The following C16orf96 variants were observed in gnomAD, a reference collection of about 807,000 sequenced individuals.
The protein encoded by C16orf96 is uncharacterized protein C16orf96.
In C16orf96, 108 loss-of-function variants were observed where a neutral mutation model predicts 103.6. The observed-to-expected ratio is 1.04, with a 90% confidence interval of 0.89 to 1.22. The LOEUF is 1.22. Ranked by LOEUF, C16orf96 falls within the 50% of genes most tolerant of loss-of-function variation. The probability of loss-of-function intolerance (pLI) is 0.00; values close to 1 mark genes in which losing one functional copy is unlikely to be tolerated. For synonymous variants in C16orf96, 566 were observed against 593.5 expected, an observed-to-expected ratio of 0.95 and a Z score of 0.67; for missense variants, 1,586 against 1,464.2, an observed-to-expected ratio of 1.08 and a Z score of -1.36.
chr16:4,566,169 A>G (rs2059383744), intron 1 of C16orf96, among the ~76,000 whole-genome samples: 1 of 152,134 alleles, frequency 6.6e-6, no homozygotes, highest in African/African-American at 2.4e-5. Flanking sequence ...TTTTATATGG[A>G]CCTATGTTTT....
chr16:4,541,607 C>T, the C16orf96 span, among the ~76,000 whole-genome samples: 1 of 152,250 alleles, frequency 6.6e-6, no homozygotes, highest in East Asian at 1.9e-4. Context: ...CTACAAGTCT[C>T]CTTTTTGGTC....
chr16:4,549,471 T>TA, the C16orf96 span, among the ~76,000 whole-genome samples: 21,093 of 96,392 alleles, frequency 0.22, 2,059 homozygotes, highest in Middle Eastern at 0.36. Context: ...AGACTCTGTC[T>TA]AAAAAAAAAA....
chr16:4,563,977 C>G (rs1037724542), intron 1 of C16orf96, among the ~76,000 whole-genome samples: 17 of 151,312 alleles, frequency 1.1e-4, no homozygotes, highest in African/African-American at 3.1e-4. Context: ...GTGGGCGGAT[C>G]ACCTGAGCTC....
At chr16:4,560,867 A>T (rs1056769679) in intron 1 of C16orf96, 1 of 152,046 alleles carries the variant, frequency 6.6e-6, no homozygotes, top group African/African-American at 2.4e-5. Context: ...ATAAAAAGAT[A>T]TTCCAGCGGG....
At chr16:4,558,510 G>C (rs2059291964) in intron 1 of C16orf96, among the ~76,000 whole-genome samples, 1 of 152,140 alleles carries the variant, frequency 6.6e-6, no homozygotes, top group South Asian at 2.1e-4. Flanking sequence ...ACCTCAGGAG[G>C]CTGAGGTGGG....
chr16:4,575,663 C>G lies in C16orf96; in HGVS notation c.1183C>G (p.Leu395Val). The change falls in exon 5 of 16, where the codon CTT becomes GTT. Residue 395 changes from leucine (L) to valine (V), a missense_variant. By Grantham distance (32) the Leu-to-Val change is conservative. Transcript: ENST00000444310. ...DWPALPRRWP[L>V]PQGWPRVGSW... is the part of the protein sequence containing the mutation. The stretch of plus-strand genomic sequence containing the variant: ...GCCTGCACTCCCAAGACGCTGGCCT[C>G]TTCCCCAAGGCTGGCCCAGGGTGGG... 7 of 1,535,916 alleles carry G rather than the reference C, an allele frequency of 4.6e-6. No homozygotes were observed. The highest frequency in any genetic ancestry group is 6.1e-6 in the Non-Finnish European group (7 of 1,140,304).
intron 1 of C16orf96, among the ~76,000 whole-genome samples, chr16:4,559,666 A>T (rs2059307096): frequency 6.6e-6 from 1 of 152,194 alleles, no homozygotes; most frequent in Non-Finnish European, 1.5e-5. Context: ...GTGGCACACG[A>T]TATATTGACA....
At position 4,594,385 on chromosome 16, in the gene C16orf96, A is replaced by G; in HGVS notation, c.2902A>G (p.Ile968Val). ...QQWLQLQDLG[I>V]QEDCQQDWGD... Reference sequence around the variant, plus strand: ...GTGGCTGCAGCTCCAGGACCTCGGTATCCAGGAGGATTGTCAGCAGGACTG... The same window carrying G: ...GTGGCTGCAGCTCCAGGACCTCGGTGTCCAGGAGGATTGTCAGCAGGACTG... The change falls in exon 13 of 16, where the codon ATC becomes GTC. Residue 968 changes from isoleucine (I) to valine (V), a missense_variant. Coordinates refer to ENST00000444310, the MANE Select transcript of C16orf96 (RefSeq NM_001145011.2). 1 of 1,549,332 alleles carries G rather than the reference A, an allele frequency of 6.5e-7. No homozygotes were observed. The highest frequency in any genetic ancestry group is 8.7e-7 in the Non-Finnish European group (1 of 1,146,822).
At chr16:4,598,777 C>A (rs1281153408) in intron 14 of C16orf96, among the ~76,000 whole-genome samples, 1 of 152,154 alleles carries the variant, frequency 6.6e-6, no homozygotes, top group Non-Finnish European at 1.5e-5. Flanking sequence ...GAGTTACTTT[C>A]AAAGAGCCTT....
Position 4,591,646 on chromosome 16 carries a change from T to C in C16orf96, c.2593-20T>C, listed in dbSNP as rs1681727446. ...AATTCATAGAGTATTCTTTCTTATC[T>C]TCCCCTTGGCTGTTGGCAGTTAGTC... On this transcript the variant is annotated intron_variant, in intron 9 of 15. Transcript: ENST00000444310. 1.3e-6 allele frequency: 2 copies of C among 1,530,282 alleles called. No individual in the cohort carries two copies. The highest frequency in any genetic ancestry group is 1.8e-6 in the Non-Finnish European group (2 of 1,127,594). The allele number at this position is 1,530,282 out of a possible 1,614,324, so 94.8% of individuals were successfully genotyped here.
intron 1 of C16orf96, chr16:4,563,097 G>C (rs957859882): frequency 1.3e-6 from 1 of 773,990 alleles, no homozygotes; most frequent in Non-Finnish European, 2.3e-6. Flanking sequence ...GGTTTTTCTG[G>C]AGCAACTTGC....
Position 4,587,057 on chromosome 16 carries a change from A to C in C16orf96, c.2371A>C (p.Lys791Gln), listed in dbSNP as rs1176790381. 3 of 1,551,538 alleles carry C rather than the reference A, an allele frequency of 1.9e-6. No individual in the cohort carries two copies. The East Asian group carries it at 7.3e-5, about 38-fold the overall frequency. ...TTCTTAGACTCTCCAGGCTCAAATCAAAAGACTGGAAATGAACAAGGTGAA... is the reference window on the plus strand; with the variant it reads ...TTCTTAGACTCTCCAGGCTCAAATCCAAAGACTGGAAATGAACAAGGTGAA... The part of the protein sequence containing the change: ...DEFKTLQAQI[K>Q]RLEMNKVNKS... Residue 791 changes from lysine to glutamine, a missense_variant, in exon 8 of 16, where the codon AAA becomes CAA. Coordinates refer to ENST00000444310, the MANE Select transcript of C16orf96 (RefSeq NM_001145011.2).
intron 14 of C16orf96, among the ~76,000 whole-genome samples, chr16:4,598,558 G>A (rs1897221762): frequency 6.6e-6 from 1 of 152,024 alleles, no homozygotes; most frequent in South Asian, 2.1e-4. Flanking sequence ...CGTCCTAAAT[G>A]CCTCTGAATT....
chr16:4,591,739 T>C lies in C16orf96; in HGVS notation c.2666T>C (p.Ile889Thr), dbSNP rs543536007. The C allele has an allele frequency of 2.8e-5, 44 of 1,551,640 alleles. No individual in the cohort carries two copies. In the Admixed American group the frequency reaches 5.3e-4, roughly 19 times the overall value. The change falls in exon 10 of 16, where the codon ATT becomes ACT. Residue 889 changes from isoleucine to threonine, a missense_variant. Physicochemically the swap from Ile to Thr is moderately conservative, Grantham distance 89 (BLOSUM62 -1). Transcript: ENST00000444310. ...EVWKIVRKLLIEGLRLDPDSA... is the reference protein window; with the variant it reads ...EVWKIVRKLLTEGLRLDPDSA... ...TGGAAAATCGTCCGGAAGCTGCTGA[T>C]TGAGGGCTTAAGACTGGATCCTGAC...
chr16:4,545,631 A>G, the C16orf96 span, among the ~76,000 whole-genome samples: 1 of 151,980 alleles, frequency 6.6e-6, no homozygotes, highest in Non-Finnish European at 1.5e-5. Context: ...CTCTTGTTAG[A>G]CTCAATTTAG....
At chr16:4,553,910 G>C (rs2059241910), upstream of C16orf96, among the ~76,000 whole-genome samples, 1 of 152,198 alleles carries the variant, frequency 6.6e-6, no homozygotes, top group African/African-American at 2.4e-5. Flanking sequence ...AGATTCCACA[G>C]CTGGTGCAAG....
the C16orf96 span, among the ~76,000 whole-genome samples, chr16:4,546,241 C>T: frequency 2.0e-5 from 3 of 148,962 alleles, no homozygotes; most frequent in Non-Finnish European, 4.5e-5. Context: ...TCACTGCAAG[C>T]TCCACCTCCC....
In C16orf96 at chr16:4,588,162, C is replaced by A; in HGVS notation, c.2428-5C>A. The A allele has an allele frequency of 6.5e-7, 1 of 1,550,318 alleles. No homozygotes were observed. The highest frequency in any genetic ancestry group is 8.7e-7 in the Non-Finnish European group (1 of 1,146,484). ...CATGCCTCCCTGAACTCCCTGTCTC[C>A]CTAGAAAGCTGACAGGAGTGCCCTG... On this transcript the variant is annotated splice_region_variant and splice_polypyrimidine_tract_variant and intron_variant, in intron 8 of 15. Transcript: ENST00000444310.
intron 1 of C16orf96, among the ~76,000 whole-genome samples, chr16:4,568,804 T>C (rs2059407704): frequency 1.3e-5 from 2 of 151,376 alleles, no homozygotes; most frequent in Admixed American, 1.3e-4. Flanking sequence ...AATTTTGGTA[T>C]TTTTTTGTAG....
Sources: gnomAD v4.1 joint callset for allele counts (sites outside exome capture counted in the v4.1 genomes callset) on GRCh38, gnomAD v4.1.1 for gene constraint, MANE v1.5 for transcripts, NCBI Gene and HGNC (gene_info 2026-07-23, HGNC 2026-07-21) for gene names.